FNTB: variants seen among roughly 807,000 people sequenced by gnomAD.
The protein encoded by FNTB is farnesyltransferase, CAAX box, subunit beta, also known as protein farnesyltransferase subunit beta.
FNTB carries 27 observed loss-of-function variants against 59.4 expected under a neutral mutation model. The ratio of observed to expected loss-of-function variants is 0.45; its 90% CI spans 0.34 to 0.63. FNTB has a LOEUF of 0.63. Among genes scored for constraint, FNTB ranks in the 20% least tolerant of loss-of-function variants. The pLI, the probability that FNTB is intolerant of heterozygous loss-of-function variation, is 0.02. For synonymous variants in FNTB, 230 were observed against 220.7 expected (o/e 1.04, Z -0.37); for missense variants, 449 against 559.6 (o/e 0.80, Z 1.99).
chr14:65,046,489 T>C (rs1276279397), intron 9 of FNTB, among the ~76,000 whole-genome samples: 1 of 152,212 alleles, frequency 6.6e-6, no homozygotes, highest in Non-Finnish European at 1.5e-5. Flanking sequence ...TGGTTAATTG[T>C]TTCTTGTAGC....
chr14:65,017,490 G>GA (rs1283345459), intron 4 of FNTB, among the ~76,000 whole-genome samples: 1 of 152,084 alleles, frequency 6.6e-6, no homozygotes, highest in Non-Finnish European at 1.5e-5. Context: ...AATCGACTGA[G>GA]TTTTTTTCTA....
In FNTB at chr14:65,023,801, T is replaced by A. The variant is rs564951661; in HGVS notation, c.375-3652T>A. 6.6e-6 allele frequency among the ~76,000 whole-genome samples: 1 copy of A among 152,010 alleles called. No homozygotes were observed. Among genetic ancestry groups the A allele is most frequent in the African/African-American group, 2.4e-5 (1 of 41,340 alleles). ...AGCATTGCTATCACCTGGGAACTTA[T>A]TAGAAATGAGGACTCTCAGCCGGGC... is the stretch of plus-strand genomic sequence containing the variant. On this transcript the variant is annotated intron_variant, in intron 4 of 11. Transcript: ENST00000246166. The surrounding 1 kb of genome is among the most constrained non-coding windows in gnomAD (Gnocchi z 4.1).
intron 4 of FNTB, among the ~76,000 whole-genome samples, chr14:65,019,165 C>T (rs1231401280): frequency 2.1e-5 from 3 of 144,974 alleles, no homozygotes; most frequent in Non-Finnish European, 4.5e-5. Context: ...AAGAGTGAAA[C>T]TCCATCTCAA....
chr14:65,049,256 G>T (rs1421835471), intron 9 of FNTB, among the ~76,000 whole-genome samples: 1 of 152,152 alleles, frequency 6.6e-6, no homozygotes, highest in African/African-American at 2.4e-5. Flanking sequence ...GTAGTTACTG[G>T]TTTCTTATAT....
At chr14:65,036,749 A>G (rs1293102343) in intron 7 of FNTB, among the ~76,000 whole-genome samples, 2 of 151,998 alleles carry the variant, frequency 1.3e-5, no homozygotes, top group Non-Finnish European at 2.9e-5. Context: ...GTTGGAGTGC[A>G]GTGGCGTAAT....
rs1006521807 is a variant in FNTB at position 65,001,401 on chromosome 14, A to G, written c.145-2848A>G. Among the ~76,000 whole-genome samples, 30 of 152,194 alleles carry G rather than the reference A, an allele frequency of 2.0e-4. No individual in the cohort carries two copies. Among genetic ancestry groups the G allele is most frequent in the African/African-American group, 7.0e-4 (29 of 41,448 alleles). ...GTCTGTGGCCCAGGAGCAGTAGGCC[A>G]CACTATACAGCCTATGCGTGTGGTA... On this transcript the variant is annotated intron_variant, in intron 1 of 11. Transcript: ENST00000246166. The surrounding 1 kb of genome is among the most constrained non-coding windows in gnomAD (Gnocchi z 5.5).
intron 4 of FNTB, among the ~76,000 whole-genome samples, chr14:65,017,566 AATGTCAC>A (rs2061801055): frequency 1.3e-5 from 2 of 152,184 alleles, no homozygotes; most frequent in Admixed American, 1.3e-4. Flanking sequence ...CTTCTGGGGC[AATGTCAC>A]ATAGGAAGAG....
chr14:65,026,098 C>T (rs1170283483), intron 4 of FNTB, among the ~76,000 whole-genome samples: 3 of 152,136 alleles, frequency 2.0e-5, no homozygotes, highest in African/African-American at 7.2e-5. Flanking sequence ...GCAGCAGTAG[C>T]AAGGAAATAA....
At position 65,027,539 on chromosome 14, in the gene FNTB, A is replaced by T. The variant is rs570650527; in HGVS notation, c.461A>T (p.Tyr154Phe). ...PGQYPHLAPT[Y>F]AAVNALCIIG... Reference sequence around the variant, plus strand: ...CAGTATCCACACCTTGCACCCACATATGCAGCAGTCAATGCATTGTGCATC... The same window carrying T: ...CAGTATCCACACCTTGCACCCACATTTGCAGCAGTCAATGCATTGTGCATC... The change falls in exon 5 of 12, where the codon TAT (tyrosine) becomes TTT (phenylalanine). Residue 154 changes from tyrosine to phenylalanine, a missense_variant. Physicochemically the swap from Tyr to Phe is conservative, Grantham distance 22. Transcript: ENST00000246166. The surrounding 1 kb of genome is among the most constrained non-coding windows in gnomAD (Gnocchi z 5.7). The T allele has an allele frequency of 2.2e-5, 36 of 1,614,202 alleles. No homozygotes were observed. In the East Asian group the frequency reaches 7.8e-4, roughly 35 times the overall value.
rs1379468296 is a variant in FNTB, at chr14:64,986,927, T to C, written c.-27T>C. The C allele has an allele frequency of 2.5e-6, 4 of 1,613,730 alleles. No homozygotes were observed. In the East Asian group the frequency reaches 6.7e-5, roughly 27 times the overall value. On this transcript the variant is annotated 5_prime_UTR_variant, in exon 1 of 12. Coordinates refer to ENST00000246166, the MANE Select transcript of FNTB (RefSeq NM_002028.4). ...GTTGTTGCTTAACGAAGCAGAGTCC[T>C]ACACACTGTCTGCTGCTCTCCTGAT...
Position 65,029,957 on chromosome 14 carries a change from A to G in FNTB, c.605+2176A>G, listed in dbSNP as rs2062048016. Among the ~76,000 whole-genome samples, 1 of 152,236 alleles carries G rather than the reference A, an allele frequency of 6.6e-6. No homozygotes were observed. The highest frequency in any genetic ancestry group is 1.5e-5 in the Non-Finnish European group (1 of 68,040). ...GGCTTGGATTTGGGTGATGGCAGCAAGGATGGAAAGTTAGTGGACAAATTC... is the reference window on the plus strand; with the variant it reads ...GGCTTGGATTTGGGTGATGGCAGCAGGGATGGAAAGTTAGTGGACAAATTC... On this transcript the variant is annotated intron_variant, in intron 6 of 11. Transcript: ENST00000246166. This position sits in a 1 kb window ranked among gnomAD's most constrained non-coding sequence, Gnocchi z 4.7.
At chr14:65,051,053 A>C (rs1266240491) in intron 9 of FNTB, among the ~76,000 whole-genome samples, 2 of 152,260 alleles carry the variant, frequency 1.3e-5, no homozygotes, top group East Asian at 3.8e-4. Flanking sequence ...AAAATAGTGC[A>C]AGTGTATCAA....
rs951843569 is a variant in FNTB at position 65,031,038 on chromosome 14, C to T, written c.606-1572C>T. On this transcript the variant is annotated intron_variant, in intron 6 of 11. Transcript: ENST00000246166. This position sits in a 1 kb window ranked among gnomAD's most constrained non-coding sequence, Gnocchi z 4.6. ...GGCCAGGCTAGTCTCGAACTCCTGACCTCAAATAATCCACCTGCCTTAGCC... is the reference window on the plus strand; with the variant it reads ...GGCCAGGCTAGTCTCGAACTCCTGATCTCAAATAATCCACCTGCCTTAGCC... Among the ~76,000 whole-genome samples the T allele has an allele frequency of 3.3e-5, 5 of 151,926 alleles. No homozygotes were observed. Among genetic ancestry groups the T allele is most frequent in the Admixed American group, 1.3e-4 (2 of 15,254 alleles).
At chr14:65,040,555 C>G (rs1374656996) in intron 7 of FNTB, among the ~76,000 whole-genome samples, 1 of 150,736 alleles carries the variant, frequency 6.6e-6, no homozygotes, top group Non-Finnish European at 1.5e-5. Flanking sequence ...ATCTTCTTGC[C>G]TTAGTCTCCT....
At chr14:65,000,708 T>C (rs1888560884) in intron 1 of FNTB, among the ~76,000 whole-genome samples, 1 of 149,766 alleles carries the variant, frequency 6.7e-6, no homozygotes, top group African/African-American at 2.5e-5. Flanking sequence ...TAGTCCCAGC[T>C]ACTCGGGAGG....
intron 8 of FNTB, among the ~76,000 whole-genome samples, chr14:65,042,581 T>C (rs1006252039): frequency 1.3e-5 from 2 of 152,198 alleles, no homozygotes; most frequent in African/African-American, 4.8e-5. Flanking sequence ...CCACCACTCA[T>C]GTCCTGCTGT....
chr14:65,049,775 A>G (rs949208192), intron 9 of FNTB, among the ~76,000 whole-genome samples: 2 of 152,128 alleles, frequency 1.3e-5, no homozygotes, highest in African/African-American at 4.8e-5. Flanking sequence ...AGTTTAATAA[A>G]TATGCTTTTT....
At chr14:65,005,506 T>TTTC (rs2061571609) in intron 2 of FNTB, among the ~76,000 whole-genome samples, 1 of 96,154 alleles carries the variant, frequency 1.0e-5, no homozygotes, top group African/African-American at 4.7e-5. Flanking sequence ...TCTTTCTTTC[T>TTTC]TTCTTTCTCT....
At chr14:64,995,983 C>A (rs1335188484) in intron 1 of FNTB, among the ~76,000 whole-genome samples, 3 of 151,294 alleles carry the variant, frequency 2.0e-5, no homozygotes, top group African/African-American at 7.3e-5. Flanking sequence ...ATTAGCCAGG[C>A]CTGGTGGCAG....
Sources: gnomAD v4.1 joint callset for allele counts (sites outside exome capture counted in the v4.1 genomes callset) on GRCh38, gnomAD v4.1.1 for gene constraint, Gnocchi (gnomAD v3.1) non-coding constraint, MANE v1.5 for transcripts, NCBI Gene and HGNC (gene_info 2026-07-23, HGNC 2026-07-21) for gene names.